IFT56: variants seen among roughly 807,000 people sequenced by gnomAD.
The protein encoded by IFT56 is intraflagellar transport 56.
the IFT56 span, among the ~76,000 whole-genome samples, chr7:139,178,986 C>T: frequency 1.3e-5 from 2 of 151,984 alleles, no homozygotes; most frequent in African/African-American, 2.4e-5. Flanking sequence ...AGAAATATAA[C>T]GTATGTACAG....
At chr7:139,165,260 C>T in the IFT56 span, 1 of 1,517,352 alleles carries the variant, frequency 6.6e-7, no homozygotes, top group South Asian at 1.2e-5. Context: ...CCTGGTCTTA[C>T]TTACAATGAG....
At chr7:139,172,689 G>C in the IFT56 span, 4 of 621,740 alleles carry the variant, frequency 6.4e-6, no homozygotes, top group Admixed American at 7.4e-5. Flanking sequence ...AGGATTTCTG[G>C]AAGTTTTACA....
chr7:139,168,508 T>C, the IFT56 span: 1 of 737,740 alleles, frequency 1.4e-6, no homozygotes, highest in Non-Finnish European at 2.4e-6. Context: ...TAGCTCCTTT[T>C]ATTTCTCCAT....
At chr7:139,176,237 A>G in the IFT56 span, among the ~76,000 whole-genome samples, 1 of 152,116 alleles carries the variant, frequency 6.6e-6, no homozygotes, top group Non-Finnish European at 1.5e-5. Flanking sequence ...GAAAGGATAA[A>G]TGCTTGATGT....
chr7:139,177,171 CA>C, the IFT56 span, among the ~76,000 whole-genome samples: 21,794 of 93,730 alleles, frequency 0.23, 3,129 homozygotes, highest in African/African-American at 0.44. Context: ...GACTCCGTCT[CA>C]AAAAAAAAAA....
chr7:139,169,146 T>C, the IFT56 span: 63 of 660,750 alleles, frequency 9.5e-5, no homozygotes, highest in African/African-American at 1.1e-3. Context: ...CTAGTTGTTA[T>C]GTTAATGAGA....
At chr7:139,148,171 C>T in the IFT56 span, 11 of 1,562,456 alleles carry the variant, frequency 7.0e-6, no homozygotes, top group African/African-American at 2.7e-5. Context: ...GTGAAGTAGA[C>T]TTAAATGGTT....
At chr7:139,148,378 G>A in the IFT56 span, 1 of 1,604,522 alleles carries the variant, frequency 6.2e-7, no homozygotes, top group Non-Finnish European at 8.5e-7. Context: ...AGCAGCTGAG[G>A]TATTGATGGA....
the IFT56 span, among the ~76,000 whole-genome samples, chr7:139,144,426 G>A: frequency 7.2e-5 from 11 of 151,812 alleles, no homozygotes; most frequent in African/African-American, 2.4e-4. Context: ...TTTGTTATTA[G>A]CACTTTTCCT....
the IFT56 span, among the ~76,000 whole-genome samples, chr7:139,149,253 C>A: frequency 1.3e-5 from 2 of 148,278 alleles, no homozygotes; most frequent in African/African-American, 5.0e-5. Context: ...TTCAGTGAGC[C>A]GAGATGGTGC....
At chr7:139,164,690 A>G in the IFT56 span, among the ~76,000 whole-genome samples, 3 of 152,204 alleles carry the variant, frequency 2.0e-5, no homozygotes, top group African/African-American at 4.8e-5. Flanking sequence ...TCTCGGGGCT[A>G]GGAATACACA....
the IFT56 span, among the ~76,000 whole-genome samples, chr7:139,165,653 T>C: frequency 6.6e-6 from 1 of 152,218 alleles, no homozygotes; most frequent in Admixed American, 6.5e-5. Context: ...CGTTTCTTTG[T>C]ACCCCAGGCT....
At chr7:139,179,914 C>T in the IFT56 span, among the ~76,000 whole-genome samples, 1 of 152,198 alleles carries the variant, frequency 6.6e-6, no homozygotes, top group Non-Finnish European at 1.5e-5. Flanking sequence ...CCTAAAGTCT[C>T]ATTAAAGTTT....
chr7:139,133,872 T>G, the IFT56 span: 5 of 1,614,094 alleles, frequency 3.1e-6, no homozygotes, highest in African/African-American at 6.7e-5. Context: ...TTAGTGGCTC[T>G]GAATAGTAAG....
chr7:139,165,244 A>G, the IFT56 span: 40 of 1,598,736 alleles, frequency 2.5e-5, no homozygotes, highest in Non-Finnish European at 3.3e-5. Flanking sequence ...GGTAAGAAAA[A>G]TTTGTCCTGG....
At chr7:139,181,562 TAC>T in the IFT56 span, among the ~76,000 whole-genome samples, 1 of 152,340 alleles carries the variant, frequency 6.6e-6, no homozygotes, top group African/African-American at 2.4e-5. Context: ...AACATTTAAG[TAC>T]AGTCCTGTGT....
At chr7:139,150,588 T>C in the IFT56 span, among the ~76,000 whole-genome samples, 3 of 152,342 alleles carry the variant, frequency 2.0e-5, no homozygotes, top group East Asian at 5.8e-4. Context: ...TAGAAGGCTA[T>C]GTCAAATGTA....
chr7:139,137,762 A>C, the IFT56 span: 1 of 1,011,766 alleles, frequency 9.9e-7, no homozygotes. Context: ...GCCTGTTGTC[A>C]GTAACCCAAC....
the IFT56 span, chr7:139,178,368 G>C: frequency 2.3e-4 from 339 of 1,490,526 alleles, 1 homozygote; most frequent in African/African-American, 4.3e-3. Flanking sequence ...GAGAAGATAA[G>C]ATACCCTTAG....
Sources: allele counts gnomAD v4.1 joint callset (sites outside exome capture counted in the v4.1 genomes callset), GRCh38; gene constraint gnomAD v4.1.1; transcripts MANE v1.5; gene names NCBI Gene and HGNC (gene_info 2026-07-23, HGNC 2026-07-21).